MGST1: variants seen among roughly 807,000 people sequenced by gnomAD.
MGST1 encodes glutathione S-transferase 12.
In MGST1, 5 loss-of-function variants were observed where a neutral mutation model predicts 8.9. The ratio of observed to expected loss-of-function variants is 0.56; its 90% CI spans 0.29 to 1.19. The LOEUF (loss-of-function observed/expected upper bound fraction) is 1.19. Among genes scored for constraint, MGST1 ranks in the 50% most tolerant of loss-of-function variants. The pLI, the probability that MGST1 is intolerant of heterozygous loss-of-function variation, is 0.08. For synonymous variants in MGST1, 54 were observed against 67.8 expected, an observed-to-expected ratio of 0.80 and a Z score of 1.00; for missense variants, 182 against 187.4, an observed-to-expected ratio of 0.97 and a Z score of 0.17.
intron 4 of MGST1, among the ~76,000 whole-genome samples, chr12:16,467,262 A>G (rs1002124787): frequency 4.6e-5 from 7 of 152,232 alleles, no homozygotes; most frequent in African/African-American, 1.4e-4. Context: ...TACAAAAATC[A>G]GAGTACAATT....
intron 4 of MGST1, among the ~76,000 whole-genome samples, chr12:16,579,752 G>C (rs752345337): frequency 1.3e-5 from 2 of 152,180 alleles, no homozygotes; most frequent in Non-Finnish European, 2.9e-5. Context: ...TAGCATTTCA[G>C]AATGACCAAT....
At chr12:16,505,095 T>C (rs546194738) in intron 4 of MGST1, among the ~76,000 whole-genome samples, 1 of 152,318 alleles carries the variant, frequency 6.6e-6, no homozygotes, top group East Asian at 1.9e-4. Flanking sequence ...CTTAGCCTGC[T>C]TCCTTTATAT....
intron 4 of MGST1, among the ~76,000 whole-genome samples, chr12:16,527,171 A>T (rs1941692874): frequency 6.6e-6 from 1 of 152,032 alleles, no homozygotes. Flanking sequence ...GCCATTCTGC[A>T]ACATGAATTT....
rs148017327 is a variant in MGST1, at chr12:16,461,034, G to A, written n.482+77430G>A. 1.0e-3 allele frequency among the ~76,000 whole-genome samples: 158 copies of A among 152,098 alleles called. 1 individual carries two copies. The highest frequency in any genetic ancestry group is 3.5e-3 in the African/African-American group (147 of 41,536). On this transcript the variant is annotated intron_variant and non_coding_transcript_variant, in intron 4 of 4. Transcript: ENST00000538857. ...AATAAATGAGTGAAGTGGATGTGGA[G>A]CACATTAAGAGTGAGACAAAATAGA...
Position 16,401,796 on chromosome 12 carries a change from T to C in MGST1, n.778+18192T>C. The C allele has an allele frequency of 6.2e-7, 1 of 1,603,632 alleles. No individual in the cohort carries two copies. The highest frequency in any genetic ancestry group is 8.5e-7 in the Non-Finnish European group (1 of 1,170,392). ...CAGTTTGCTGTGTCAAACTTTCTCATCTGCATCAACTATTTCCATGACTCT... is the reference window on the plus strand; with the variant it reads ...CAGTTTGCTGTGTCAAACTTTCTCACCTGCATCAACTATTTCCATGACTCT... On this transcript the variant is annotated intron_variant and non_coding_transcript_variant, in intron 1 of 1. Coordinates refer to the MGST1 transcript ENST00000359720. The surrounding 1 kb of genome is among the most constrained non-coding windows in gnomAD (Gnocchi z 4.3).
rs572212869 is a variant in MGST1 at position 16,458,757 on chromosome 12, C to T, written n.482+75153C>T. Among the ~76,000 whole-genome samples the T allele has an allele frequency of 2.9e-4, 44 of 152,092 alleles. No individual in the cohort carries two copies. The highest frequency in any genetic ancestry group is 9.6e-4 in the African/African-American group (40 of 41,538). The stretch of plus-strand genomic sequence containing the variant: ...TTCATATGACTGGAATTGCAGCTTG[C>T]CTGCTGCAGTGCTTTGCAGTTATTC... On this transcript the variant is annotated intron_variant and non_coding_transcript_variant, in intron 4 of 4. Transcript: ENST00000538857. This position sits in a 1 kb window ranked among gnomAD's most constrained non-coding sequence, Gnocchi z 4.0.
At chr12:16,432,851 C>A (rs571486786) in intron 1 of MGST1, among the ~76,000 whole-genome samples, 5 of 151,984 alleles carry the variant, frequency 3.3e-5, no homozygotes, top group Non-Finnish European at 7.4e-5. Flanking sequence ...GCTGACAAGA[C>A]CAAAGAGCTG....
In MGST1 at chr12:16,560,317, T is replaced by G. The variant is rs1942353985; in HGVS notation, n.483-29211T>G. 7.6e-7 allele frequency: 1 copy of G among 1,315,344 alleles called. No individual in the cohort carries two copies. Among genetic ancestry groups the G allele is most frequent in the Admixed American group, 2.3e-5 (1 of 43,344 alleles). 81.5% of individuals were successfully genotyped at this position (1,315,344 alleles called of 1,614,324 possible). A position where few individuals can be genotyped will look rare whatever the true frequency, so the allele number is the denominator to read the frequency against. On this transcript the variant is annotated intron_variant and non_coding_transcript_variant, in intron 4 of 4. Coordinates refer to the MGST1 transcript ENST00000538857. The surrounding 1 kb of genome is among the most constrained non-coding windows in gnomAD (Gnocchi z 5.0). ...AGAACAGAAAAACGCTGAGATTGAT[T>G]GCTTTAAATGTATGAATATAATTTC...
downstream of MGST1, among the ~76,000 whole-genome samples, chr12:16,590,895 AT>A (rs1943474874): frequency 1.3e-5 from 2 of 152,190 alleles, no homozygotes; most frequent in African/African-American, 4.8e-5. Flanking sequence ...TTTCACAACT[AT>A]TACTTAATCA....
chr12:16,488,640 C>G (rs1207334889), intron 4 of MGST1, among the ~76,000 whole-genome samples: 2 of 151,932 alleles, frequency 1.3e-5, no homozygotes, highest in African/African-American at 4.8e-5. Context: ...TTTGAAATTA[C>G]AAGTGATTAA....
At chr12:16,392,120 T>C (rs1325216582) in intron 1 of MGST1, among the ~76,000 whole-genome samples, 1 of 152,190 alleles carries the variant, frequency 6.6e-6, no homozygotes, top group Non-Finnish European at 1.5e-5. Context: ...TTTTGTACCA[T>C]TACCATGCTG....
At chr12:16,498,365 T>C (rs1375214808) in intron 4 of MGST1, among the ~76,000 whole-genome samples, 2 of 152,192 alleles carry the variant, frequency 1.3e-5, no homozygotes, top group East Asian at 1.9e-4. Context: ...GTATTTTTTA[T>C]AGCAGCACAG....
chr12:16,525,865 G>A (rs1941683240), intron 4 of MGST1, among the ~76,000 whole-genome samples: 1 of 150,680 alleles, frequency 6.6e-6, no homozygotes, highest in South Asian at 2.1e-4. Context: ...ATCTCATTGT[G>A]GTTTTGATTT....
At chr12:16,525,412 C>A (rs1339671546) in intron 4 of MGST1, among the ~76,000 whole-genome samples, 1 of 151,064 alleles carries the variant, frequency 6.6e-6, no homozygotes, top group African/African-American at 2.4e-5. Flanking sequence ...TTTGTTCTTG[C>A]GATAGTTTAC....
chr12:16,570,957 T>C (rs1942792453), intron 4 of MGST1, among the ~76,000 whole-genome samples: 1 of 152,106 alleles, frequency 6.6e-6, no homozygotes, highest in Middle Eastern at 3.2e-3. Context: ...TAAGAATCTA[T>C]TATCAGCATG....
rs1258218836 is a variant in MGST1 at position 16,517,538 on chromosome 12, C to T, written n.483-71990C>T. Among the ~76,000 whole-genome samples the T allele has an allele frequency of 1.3e-5, 2 of 152,058 alleles. No individual in the cohort carries two copies. Among genetic ancestry groups the T allele is most frequent in the Non-Finnish European group, 2.9e-5 (2 of 68,010 alleles). On this transcript the variant is annotated intron_variant and non_coding_transcript_variant, in intron 4 of 4. Transcript: ENST00000538857. The surrounding 1 kb of genome is among the most constrained non-coding windows in gnomAD (Gnocchi z 4.2). ...TAAAATATTATTGTTTGTAAATTACCCAGTCAGTGCTATTTTACTACAGCA... is the reference window on the plus strand; with the variant it reads ...TAAAATATTATTGTTTGTAAATTACTCAGTCAGTGCTATTTTACTACAGCA...
chr12:16,439,816 T>A (rs1941024352), downstream of MGST1, among the ~76,000 whole-genome samples: 2 of 151,790 alleles, frequency 1.3e-5, no homozygotes, highest in South Asian at 4.2e-4. Context: ...TTACTCATAT[T>A]TTCTGAATCT....
intron 4 of MGST1, among the ~76,000 whole-genome samples, chr12:16,489,196 G>A (rs1231537900): frequency 6.6e-6 from 1 of 152,058 alleles, no homozygotes; most frequent in Non-Finnish European, 1.5e-5. Context: ...AATGAATGAT[G>A]AGGAAACAAT....
At chr12:16,377,204 G>A (rs1940394944), downstream of MGST1, 1 of 151,588 alleles carries the variant, frequency 6.6e-6, no homozygotes, top group African/African-American at 2.4e-5. Context: ...GTGCAGGTTT[G>A]TTACATATGT....
Sources: allele counts gnomAD v4.1 joint callset (sites outside exome capture counted in the v4.1 genomes callset), GRCh38; gene constraint gnomAD v4.1.1; non-coding constraint Gnocchi (gnomAD v3.1); transcripts MANE v1.5; gene names NCBI Gene and HGNC (gene_info 2026-07-23, HGNC 2026-07-21).